Variants in GNB1 observed in about 807,000 individuals in gnomAD.
GNB1 encodes guanine nucleotide-binding protein G(I)/G(S)/G(T) subunit beta-1.
GNB1 carries 2 observed loss-of-function variants against 42.9 expected under a neutral mutation model. The observed-to-expected ratio is 0.05, with a 90% CI of 0.02 to 0.15. The LOEUF is 0.15. GNB1 is among the 10% of genes least tolerant of loss of function. The probability of loss-of-function intolerance (pLI) is 1.00; values close to 1 mark genes in which losing one functional copy is unlikely to be tolerated. For synonymous variants in GNB1, 183 were observed against 174.7 expected (o/e 1.05, Z -0.38); for missense variants, 193 against 462.2 (o/e 0.42, Z 5.34).
At position 1,807,463 on chromosome 1, in the gene GNB1, G is replaced by GAAAAAAAAAAAAAAA. The variant is rs533616486; in HGVS notation, c.204-940_204-926dup. Among the ~76,000 whole-genome samples, 26 of 25,580 alleles carry GAAAAAAAAAAAAAAA rather than the reference G, an allele frequency of 1.0e-3. 3 individuals are homozygous for GAAAAAAAAAAAAAAA. Among genetic ancestry groups the GAAAAAAAAAAAAAAA allele is most frequent in the African/African-American group, 2.9e-3 (13 of 4,422 alleles). The allele number at this position is 25,580 out of a possible 152,430, so 16.8% of individuals were successfully genotyped here. A position where few individuals can be genotyped will look rare whatever the true frequency, so the allele number is the denominator to read the frequency against. On this transcript the variant is annotated intron_variant, in intron 5 of 11. Coordinates refer to ENST00000378609, the MANE Select transcript of GNB1 (RefSeq NM_002074.5). ...TGGGCAACAGAGCGAGATCCTGACT[G>GAAAAAAAAAAAAAAA]AAAAAAAAAAAAAAAAAAAAAAAAA...
At chr1:1,885,571 T>G (rs1184681699) in intron 1 of GNB1, among the ~76,000 whole-genome samples, 17 of 145,558 alleles carry the variant, frequency 1.2e-4, no homozygotes, top group African/African-American at 4.0e-4. Context: ...TTTTTTTTTT[T>G]TGTGAAACGG....
intron 1 of GNB1, among the ~76,000 whole-genome samples, chr1:1,889,509 G>A (rs1432553882): frequency 6.6e-6 from 1 of 152,052 alleles, no homozygotes; most frequent in South Asian, 2.1e-4. Context: ...ACAATCTTAA[G>A]AAAAAGCTTC....
At chr1:1,856,308 G>C (rs1244393202) in intron 1 of GNB1, among the ~76,000 whole-genome samples, 1 of 152,080 alleles carries the variant, frequency 6.6e-6, no homozygotes, top group East Asian at 1.9e-4. Flanking sequence ...TTTTAAATTA[G>C]AGATGGGGTC....
intron 1 of GNB1, among the ~76,000 whole-genome samples, chr1:1,863,781 A>G (rs1193345020): frequency 6.6e-6 from 1 of 152,216 alleles, no homozygotes; most frequent in Non-Finnish European, 1.5e-5. Context: ...AAACCTACCT[A>G]TGCTTAAGCA....
At chr1:1,797,220 T>TG (rs2100597651) in intron 7 of GNB1, among the ~76,000 whole-genome samples, 1 of 152,252 alleles carries the variant, frequency 6.6e-6, no homozygotes, top group East Asian at 1.9e-4. Flanking sequence ...TAATAAATTG[T>TG]GGGAAACTGT....
At chr1:1,809,217 AGAGT>A (rs1646743528) in intron 5 of GNB1, among the ~76,000 whole-genome samples, 2 of 131,680 alleles carry the variant, frequency 1.5e-5, no homozygotes, top group African/African-American at 5.7e-5. Flanking sequence ...TTTTTGAGAG[AGAGT>A]CTCACTCTGT....
intron 6 of GNB1, among the ~76,000 whole-genome samples, chr1:1,805,078 C>T (rs1228947981): frequency 6.6e-6 from 1 of 152,200 alleles, no homozygotes; most frequent in Non-Finnish European, 1.5e-5. Context: ...AGGAGAATCA[C>T]TTGAACCCGG....
intron 2 of GNB1, among the ~76,000 whole-genome samples, chr1:1,833,406 T>C (rs1273410746): frequency 2.0e-5 from 3 of 152,212 alleles, no homozygotes; most frequent in Non-Finnish European, 4.4e-5. Flanking sequence ...CCTCAGGCCC[T>C]GCTTCCCTTA....
At chr1:1,796,924 G>A (rs777503727) in intron 7 of GNB1, among the ~76,000 whole-genome samples, 1 of 152,166 alleles carries the variant, frequency 6.6e-6, no homozygotes, top group East Asian at 1.9e-4. Flanking sequence ...GAGTGGAAGC[G>A]TAGGAGAAAG....
chr1:1,887,064 A>G (rs1650197181), intron 1 of GNB1, among the ~76,000 whole-genome samples: 1 of 152,192 alleles, frequency 6.6e-6, no homozygotes, highest in African/African-American at 2.4e-5. Context: ...TGTGAGACTT[A>G]CACTAAATAG....
intron 1 of GNB1, among the ~76,000 whole-genome samples, chr1:1,884,802 C>T (rs1650056428): frequency 6.6e-6 from 1 of 151,956 alleles, no homozygotes; most frequent in South Asian, 2.1e-4. Context: ...CCTGCCTCAG[C>T]CTCCCAAGTA....
chr1:1,871,290 T>C (rs1396635234), intron 1 of GNB1, among the ~76,000 whole-genome samples: 1 of 151,834 alleles, frequency 6.6e-6, no homozygotes, highest in African/African-American at 2.4e-5. Flanking sequence ...TGAAACCCCG[T>C]CTCTATTAAA....
intron 3 of GNB1, 63 bp from the exon 4 acceptor site, chr1:1,817,938 C>T (rs1646878917): frequency 4.0e-6 from 5 of 1,261,388 alleles, no homozygotes; most frequent in East Asian, 2.3e-5. Flanking sequence ...CAGGTCCACA[C>T]ATACCAAAGT....
At chr1:1,792,707 A>AG (rs1646497923) in intron 8 of GNB1, among the ~76,000 whole-genome samples, 1 of 151,624 alleles carries the variant, frequency 6.6e-6, no homozygotes, top group African/African-American at 2.4e-5. Flanking sequence ...AAAAAAAAAA[A>AG]AAAAAAGAAA....
chr1:1,866,889 G>C (rs1648971632), intron 1 of GNB1, among the ~76,000 whole-genome samples: 1 of 152,094 alleles, frequency 6.6e-6, no homozygotes, highest in Admixed American at 6.6e-5. Flanking sequence ...GGGAGGCGGA[G>C]CTTGCAGTGA....
chr1:1,869,185 CAAAAA>C (rs71578347), intron 1 of GNB1, among the ~76,000 whole-genome samples: 4 of 26,744 alleles, frequency 1.5e-4, no homozygotes, highest in African/African-American at 5.1e-4. Flanking sequence ...GACACCTTCT[CAAAAA>C]AAAAAAAAAA....
At chr1:1,807,977 G>A (rs1003458196) in intron 5 of GNB1, among the ~76,000 whole-genome samples, 1 of 151,994 alleles carries the variant, frequency 6.6e-6, no homozygotes, top group Non-Finnish European at 1.5e-5. Context: ...CCAAAGTGCT[G>A]GGATTACAGG....
chr1:1,878,778 C>T (rs1373153780), intron 1 of GNB1, among the ~76,000 whole-genome samples: 1 of 152,136 alleles, frequency 6.6e-6, no homozygotes. Flanking sequence ...TCAGTATTCC[C>T]ATCTAAAATC....
In GNB1 at chr1:1,787,483, G is replaced by C. The variant is rs368894253; in HGVS notation, c.917-46C>G. The C allele has an allele frequency of 8.8e-7, 1 of 1,132,688 alleles. No individual in the cohort carries two copies. Among genetic ancestry groups the C allele is most frequent in the South Asian group, 1.3e-5 (1 of 79,736 alleles). The allele number at this position is 1,132,688 out of a possible 1,614,324, so 70.2% of individuals were successfully genotyped here. ...AATCACACCAAAGCCCAGAGGCATC[G>C]ATCTCACCTGTGTGCCATGTTGTGA... On this transcript the variant is annotated intron_variant, in intron 10 of 11. Transcript: ENST00000378609. This position sits in a 1 kb window ranked among gnomAD's most constrained non-coding sequence, Gnocchi z 4.4.
Sources: gnomAD v4.1 joint callset for allele counts (sites outside exome capture counted in the v4.1 genomes callset) on GRCh38, gnomAD v4.1.1 for gene constraint, Gnocchi (gnomAD v3.1) non-coding constraint, MANE v1.5 for transcripts, NCBI Gene and HGNC (gene_info 2026-07-23, HGNC 2026-07-21) for gene names.